KHDRBS2: variants seen among roughly 807,000 people sequenced by gnomAD.
KHDRBS2 encodes KH RNA binding domain containing, signal transduction associated 2, also known as KH domain-containing, RNA-binding, signal transduction-associated protein 2.
KHDRBS2 carries 26 observed loss-of-function variants against 44.3 expected under a neutral mutation model. The ratio of observed to expected loss-of-function variants is 0.59; its 90% CI spans 0.43 to 0.81. The LOEUF (loss-of-function observed/expected upper bound fraction) is 0.81. Among genes scored for constraint, KHDRBS2 ranks in the 40% least tolerant of loss-of-function variants. The probability of loss-of-function intolerance (pLI) is 0.00; values close to 1 mark genes in which losing one functional copy is unlikely to be tolerated. For synonymous variants in KHDRBS2, 194 were observed against 151.1 expected (o/e 1.28, Z -2.08); for missense variants, 476 against 433.1 (o/e 1.10, Z -0.88).
At chr6:62,053,207 T>A (rs1789471791) in intron 2 of KHDRBS2, among the ~76,000 whole-genome samples, 1 of 151,946 alleles carries the variant, frequency 6.6e-6, no homozygotes, top group African/African-American at 2.4e-5. Flanking sequence ...CACAAAGGGA[T>A]CTCTCTAGAC....
chr6:61,709,856 G>A (rs2127550062), intron 7 of KHDRBS2, among the ~76,000 whole-genome samples: 1 of 151,724 alleles, frequency 6.6e-6, no homozygotes, highest in East Asian at 1.9e-4. Flanking sequence ...TTCTTTGGCT[G>A]TCACAATTCA....
chr6:61,715,404 T>A (rs769593768), intron 7 of KHDRBS2, among the ~76,000 whole-genome samples: 11 of 152,014 alleles, frequency 7.2e-5, no homozygotes, highest in Non-Finnish European at 1.3e-4. Context: ...TAGGCTTTCT[T>A]GTTTCCTTCC....
At chr6:61,542,983 T>C in the KHDRBS2 span, among the ~76,000 whole-genome samples, 1 of 151,928 alleles carries the variant, frequency 6.6e-6, no homozygotes, top group Non-Finnish European at 1.5e-5. Context: ...TAGAACATGG[T>C]ATAAAGACCT....
chr6:62,215,216 A>G (rs1829780434), intron 1 of KHDRBS2, among the ~76,000 whole-genome samples: 1 of 151,898 alleles, frequency 6.6e-6, no homozygotes, highest in Admixed American at 6.6e-5. Context: ...GAGTTTTCCA[A>G]TTCTGAGCTC....
At chr6:62,099,142 C>T (rs914625525) in intron 2 of KHDRBS2, among the ~76,000 whole-genome samples, 9 of 152,072 alleles carry the variant, frequency 5.9e-5, no homozygotes, top group African/African-American at 9.7e-5. Flanking sequence ...GGTCAGTATC[C>T]GGTACCTTAT....
intron 8 of KHDRBS2, among the ~76,000 whole-genome samples, chr6:61,693,687 TTTC>T (rs1389819656): frequency 6.6e-6 from 1 of 152,134 alleles, no homozygotes; most frequent in Non-Finnish European, 1.5e-5. Flanking sequence ...GTGCAGAAAA[TTTC>T]TTGTTGGTAA....
At chr6:61,692,738 C>T (rs930647862) in intron 8 of KHDRBS2, among the ~76,000 whole-genome samples, 2 of 152,060 alleles carry the variant, frequency 1.3e-5, no homozygotes, top group African/African-American at 4.8e-5. Flanking sequence ...TGAGAAGCTC[C>T]ATCTCTGAGT....
chr6:61,815,436 C>T (rs1176447661), intron 6 of KHDRBS2, among the ~76,000 whole-genome samples: 1 of 152,114 alleles, frequency 6.6e-6, no homozygotes, highest in Non-Finnish European at 1.5e-5. Context: ...TTTTAGCTTT[C>T]CAAATGCCAT....
chr6:62,234,500 TCATC>T (rs1189485133), intron 1 of KHDRBS2, among the ~76,000 whole-genome samples: 1 of 152,052 alleles, frequency 6.6e-6, no homozygotes, highest in African/African-American at 2.4e-5. Context: ...CCAATATTCT[TCATC>T]ATACCTCAAC....
the KHDRBS2 span, among the ~76,000 whole-genome samples, chr6:61,572,531 A>C: frequency 6.6e-6 from 1 of 152,262 alleles, no homozygotes; most frequent in African/African-American, 2.4e-5. Flanking sequence ...AAAAAACTAC[A>C]TATCAATATC....
At chr6:61,948,893 C>A (rs1033269648) in intron 4 of KHDRBS2, among the ~76,000 whole-genome samples, 1 of 151,830 alleles carries the variant, frequency 6.6e-6, no homozygotes, top group Non-Finnish European at 1.5e-5. Context: ...GTGATAAAGC[C>A]TTTATGCCCC....
At chr6:61,739,224 C>G (rs1197930830) in intron 6 of KHDRBS2, among the ~76,000 whole-genome samples, 2 of 151,826 alleles carry the variant, frequency 1.3e-5, no homozygotes, top group Admixed American at 1.3e-4. Context: ...AATCACAGCA[C>G]AGATAAATGC....
At chr6:61,769,333 G>A (rs1195820113) in intron 6 of KHDRBS2, among the ~76,000 whole-genome samples, 10 of 152,080 alleles carry the variant, frequency 6.6e-5, no homozygotes, top group East Asian at 3.9e-4. Flanking sequence ...TGGGTGCAGC[G>A]CACTGTGCAC....
intron 4 of KHDRBS2, among the ~76,000 whole-genome samples, chr6:61,973,964 C>A (rs1053356088): frequency 6.6e-6 from 1 of 152,106 alleles, no homozygotes; most frequent in Non-Finnish European, 1.5e-5. Flanking sequence ...ATGACCTAAT[C>A]AAATTATCTG....
At chr6:61,647,103 G>A in the KHDRBS2 span, among the ~76,000 whole-genome samples, 5 of 147,994 alleles carry the variant, frequency 3.4e-5, no homozygotes, top group East Asian at 9.9e-4. Context: ...ACAGGTGTGA[G>A]CCACTGTGCC....
At chr6:61,967,462 G>T (rs1770274007) in intron 4 of KHDRBS2, among the ~76,000 whole-genome samples, 1 of 151,884 alleles carries the variant, frequency 6.6e-6, no homozygotes, top group Non-Finnish European at 1.5e-5. Context: ...TATAGATATA[G>T]ATAGATATGA....
At chr6:62,232,078 T>C (rs1832983567) in intron 1 of KHDRBS2, among the ~76,000 whole-genome samples, 1 of 152,198 alleles carries the variant, frequency 6.6e-6, no homozygotes, top group Non-Finnish European at 1.5e-5. Flanking sequence ...ACTGTCATTT[T>C]TAGTCATGAA....
At chr6:61,780,427 G>T (rs147355437) in intron 6 of KHDRBS2, among the ~76,000 whole-genome samples, 239 of 152,310 alleles carry the variant, frequency 1.6e-3, no homozygotes, top group African/African-American at 5.5e-3. Context: ...TTGAGCCTGG[G>T]AGGCAGAGGT....
At chr6:62,192,527 G>C (rs1221506332) in intron 1 of KHDRBS2, among the ~76,000 whole-genome samples, 1 of 152,088 alleles carries the variant, frequency 6.6e-6, no homozygotes, top group African/African-American at 2.4e-5. Context: ...GCTACAAGCA[G>C]ATGTGCTTGA....
Sources: gnomAD v4.1 joint callset for allele counts (sites outside exome capture counted in the v4.1 genomes callset) on GRCh38, gnomAD v4.1.1 for gene constraint, MANE v1.5 for transcripts, NCBI Gene and HGNC (gene_info 2026-07-23, HGNC 2026-07-21) for gene names.